Variants in GRIP1 observed in about 807,000 individuals in gnomAD.
The protein encoded by GRIP1 is glutamate receptor interacting protein 1, also known as glutamate receptor-interacting protein 1.
GRIP1 carries 45 observed loss-of-function variants against 129.9 expected under a neutral mutation model. That is an observed-to-expected ratio of 0.35 (90% CI 0.27 to 0.44). The LOEUF (loss-of-function observed/expected upper bound fraction) is 0.44. Among genes scored for constraint, GRIP1 ranks in the 20% least tolerant of loss-of-function variants. The pLI is 1.00. For missense variants in GRIP1, 1,196 were observed against 1,396.8 expected (o/e 0.86, Z 2.29); for synonymous variants, 530 against 520.8 (o/e 1.02, Z -0.24).
intron 1 of GRIP1, among the ~76,000 whole-genome samples, chr12:66,927,757 T>G (rs2041319425): frequency 6.6e-6 from 1 of 152,226 alleles, no homozygotes. Flanking sequence ...GCTTCCCCTC[T>G]ACAGTGCAGC....
intron 1 of GRIP1, among the ~76,000 whole-genome samples, chr12:66,820,133 G>C (rs1464013838): frequency 2.0e-5 from 3 of 152,166 alleles, no homozygotes; most frequent in Non-Finnish European, 4.4e-5. Context: ...ACGCTGGGCT[G>C]GGCACGGTGG....
chr12:66,968,102 T>C (rs2042022518), intron 1 of GRIP1, among the ~76,000 whole-genome samples: 1 of 152,158 alleles, frequency 6.6e-6, no homozygotes, highest in Admixed American at 6.6e-5. Context: ...AGTTCATCAG[T>C]TTTTGCCTCA....
At chr12:66,381,850 A>G (rs939975552) in intron 19 of GRIP1, among the ~76,000 whole-genome samples, 1 of 152,234 alleles carries the variant, frequency 6.6e-6, no homozygotes, top group South Asian at 2.1e-4. Flanking sequence ...AGAAAAGGGG[A>G]TAAGATTCAA....
chr12:66,479,763 G>C (rs2059743317), intron 7 of GRIP1, among the ~76,000 whole-genome samples: 1 of 152,016 alleles, frequency 6.6e-6, no homozygotes, highest in South Asian at 2.1e-4. Context: ...GGCTGGTTCA[G>C]CATATGCAAA....
At chr12:66,437,341 T>C (rs1436719963) in intron 13 of GRIP1, among the ~76,000 whole-genome samples, 2 of 148,564 alleles carry the variant, frequency 1.3e-5, no homozygotes, top group Non-Finnish European at 3.0e-5. Context: ...GAGTGTTTTA[T>C]TGAGGACTAT....
intron 22 of GRIP1, among the ~76,000 whole-genome samples, chr12:66,374,665 C>T (rs1220633953): frequency 6.6e-6 from 1 of 152,166 alleles, no homozygotes; most frequent in African/African-American, 2.4e-5. Flanking sequence ...AAAACAATCA[C>T]TACAACTGAG....
chr12:66,732,963 C>A (rs1234503365), intron 1 of GRIP1, among the ~76,000 whole-genome samples: 1 of 152,116 alleles, frequency 6.6e-6, no homozygotes, highest in Non-Finnish European at 1.5e-5. Flanking sequence ...CAAATTTTAT[C>A]ATAATAAAGA....
chr12:66,851,635 C>A (rs1718604948), intron 1 of GRIP1, among the ~76,000 whole-genome samples: 1 of 152,062 alleles, frequency 6.6e-6, no homozygotes, highest in South Asian at 2.1e-4. Context: ...CCTCTCTGAA[C>A]TCAGTTTCTC....
intron 5 of GRIP1, among the ~76,000 whole-genome samples, chr12:66,525,452 C>T (rs201829339): frequency 0.011 from 1,745 of 152,128 alleles, 36 homozygotes; most frequent in East Asian, 0.1. Context: ...TCAATAGATG[C>T]AGAAAAGGCC....
Position 66,541,922 on chromosome 12 carries a change from C to T in GRIP1, c.165G>A (p.Glu55=), listed in dbSNP as rs1002698469. 6.2e-7 allele frequency: 1 copy of T among 1,613,936 alleles called. No homozygotes were observed. The highest frequency in any genetic ancestry group is 8.5e-7 in the Non-Finnish European group (1 of 1,179,930). The change falls in exon 3 of 25, where the codon GAG becomes GAA. Residue 55 remains glutamate, a synonymous_variant. Coordinates refer to ENST00000359742, the MANE Select transcript of GRIP1 (RefSeq NM_001366722.1). ...GGGTAGTGCCTTCCTTCTTCATCAGCTCGACGACTGTGGAGCCCTTGAATT... is the reference window on the plus strand; with the variant it reads ...GGGTAGTGCCTTCCTTCTTCATCAGTTCGACGACTGTGGAGCCCTTGAATT... The part of the protein sequence containing the change: ...PEEFKGSTVV[E]LMKKEGTTLG...
chr12:66,484,530 A>C (rs1303184199), intron 7 of GRIP1, among the ~76,000 whole-genome samples: 1 of 152,242 alleles, frequency 6.6e-6, no homozygotes, highest in African/African-American at 2.4e-5. Flanking sequence ...TTGTAGCAAC[A>C]TGGATGGGTC....
At chr12:66,789,012 T>C (rs927033471) in intron 1 of GRIP1, among the ~76,000 whole-genome samples, 32 of 152,312 alleles carry the variant, frequency 2.1e-4, no homozygotes, top group African/African-American at 7.0e-4. Context: ...ACTTATCCTT[T>C]GCCTTTGTGT....
At position 66,870,269 on chromosome 12, in the gene GRIP1, A is replaced by G. The variant is rs1162497192; in HGVS notation, c.58+198781T>C. ...AATTCCAGGTCTATGGGTATAGCTG[A>G]AGGGAGGCATTTTTAAGAGAAAAAT... On this transcript the variant is annotated intron_variant, in intron 1 of 1. Coordinates refer to the GRIP1 transcript ENST00000643019. Among the ~76,000 whole-genome samples the G allele has an allele frequency of 2.0e-5, 3 of 152,256 alleles. No homozygotes were observed. In the South Asian group the frequency reaches 6.2e-4, roughly 32 times the overall value.
intron 1 of GRIP1, among the ~76,000 whole-genome samples, chr12:66,657,219 A>T (rs562179380): frequency 6.6e-6 from 1 of 152,328 alleles, no homozygotes; most frequent in Admixed American, 6.5e-5. Flanking sequence ...ACTCATCAGC[A>T]AGGGTCCTGA....
At chr12:66,731,168 A>G (rs573464026) in intron 1 of GRIP1, among the ~76,000 whole-genome samples, 6 of 152,294 alleles carry the variant, frequency 3.9e-5, no homozygotes, top group African/African-American at 1.4e-4. Context: ...CTGGATTGCT[A>G]AAGAAGAAAG....
At chr12:66,584,730 A>T (rs1592600056) in intron 2 of GRIP1, among the ~76,000 whole-genome samples, 1 of 147,732 alleles carries the variant, frequency 6.8e-6, no homozygotes, top group Non-Finnish European at 1.5e-5. Flanking sequence ...AAGAAGGAAG[A>T]GGGGTCTATT....
intron 1 of GRIP1, among the ~76,000 whole-genome samples, chr12:66,657,776 T>A (rs1338705591): frequency 6.6e-6 from 1 of 152,144 alleles, no homozygotes; most frequent in Non-Finnish European, 1.5e-5. Flanking sequence ...CTAATCGCCA[T>A]GAAAATGTAT....
At chr12:66,752,474 A>C (rs1299012752) in intron 1 of GRIP1, among the ~76,000 whole-genome samples, 2 of 152,336 alleles carry the variant, frequency 1.3e-5, no homozygotes, top group Admixed American at 1.3e-4. Context: ...TTCCAAGGAC[A>C]GTCATACATT....
At chr12:66,955,969 T>C (rs995948282) in intron 1 of GRIP1, among the ~76,000 whole-genome samples, 15 of 152,234 alleles carry the variant, frequency 9.9e-5, no homozygotes, top group Non-Finnish European at 1.5e-5. Context: ...ACCTATTTAT[T>C]TTAAAATAAG....
Sources: gnomAD v4.1 joint callset for allele counts (sites outside exome capture counted in the v4.1 genomes callset) on GRCh38, gnomAD v4.1.1 for gene constraint, MANE v1.5 for transcripts, NCBI Gene and HGNC (gene_info 2026-07-23, HGNC 2026-07-21) for gene names.